The following ANKRD26 variants were observed in gnomAD, a reference collection of about 807,000 sequenced individuals.
ANKRD26 encodes the protein ankyrin repeat domain-containing protein 26.
In ANKRD26, 141 loss-of-function variants were observed where a neutral mutation model predicts 208.7. That is an observed-to-expected ratio of 0.68 (90% CI 0.59 to 0.78). The LOEUF is 0.78. Among genes scored for constraint, ANKRD26 ranks in the 30% least tolerant of loss-of-function variants. The probability of loss-of-function intolerance (pLI) is 0.00; values close to 1 mark genes in which losing one functional copy is unlikely to be tolerated. For missense variants in ANKRD26, 1,889 were observed against 1,938.7 expected (o/e 0.97, Z 0.48); for synonymous variants, 636 against 660.4 (o/e 0.96, Z 0.57).
chr10:27,049,544 A>G (rs1415113471), intron 16 of ANKRD26, among the ~76,000 whole-genome samples: 1 of 152,224 alleles, frequency 6.6e-6, no homozygotes, highest in African/African-American at 2.4e-5. Flanking sequence ...TTGCCACAAC[A>G]TAAGGAACAG....
intron 9 of ANKRD26, among the ~76,000 whole-genome samples, chr10:27,069,481 GT>G (rs931772323): frequency 4.0e-5 from 6 of 150,682 alleles, no homozygotes; most frequent in Non-Finnish European, 8.9e-5. Flanking sequence ...GTTTTTGGTG[GT>G]TTTTTTTTCA....
intron 25 of ANKRD26, 66 bp downstream of exon 25, chr10:27,033,159 T>A: frequency 7.8e-7 from 1 of 1,274,374 alleles, no homozygotes; most frequent in Non-Finnish European, 1.1e-6. Flanking sequence ...TAAATTAGTA[T>A]GATAAAACAC....
At chr10:27,066,450 T>C (rs2055249479) in intron 11 of ANKRD26, 37 bp downstream of exon 11, 9 of 1,489,484 alleles carry the variant, frequency 6.0e-6, no homozygotes, top group Non-Finnish European at 8.3e-6. Context: ...ACTCAATGCT[T>C]ATATTTTAAA....
chr10:27,034,023 T>C (rs192011297), intron 24 of ANKRD26, among the ~76,000 whole-genome samples: 2 of 152,346 alleles, frequency 1.3e-5, no homozygotes, highest in African/African-American at 4.8e-5. Flanking sequence ...ATCTTTATAC[T>C]GAACAAAGTT....
chr10:27,076,983 C>G, intron 9 of ANKRD26: 1 of 214,292 alleles, frequency 4.7e-6, no homozygotes, highest in South Asian at 8.7e-5. Context: ...GGGAAATCCT[C>G]CCTAACTCAT....
chr10:26,982,917 T>C (rs890766761), intron 3 of ANKRD26, among the ~76,000 whole-genome samples: 49 of 152,320 alleles, frequency 3.2e-4, no homozygotes, highest in African/African-American at 1.1e-3. Context: ...ACCACTCAAC[T>C]AGTCGATTCG....
In ANKRD26 at chr10:27,093,439, G is replaced by A; in HGVS notation, c.441C>T (p.Asn147=). 1 of 1,614,120 alleles carries A rather than the reference G, an allele frequency of 6.2e-7. No homozygotes were observed. ...ADPNLADVHG[N]TALHYAVYNE... Reference sequence around the variant, plus strand: ...TATAGACAGCATAGTGAAGAGCAGTGTTGCCATGGACATCCGCAAGATTTG... The same window carrying A: ...TATAGACAGCATAGTGAAGAGCAGTATTGCCATGGACATCCGCAAGATTTG... Residue 147 remains asparagine, a synonymous_variant, in exon 3 of 34, where the codon AAC becomes AAT. Transcript: ENST00000376087.
intron 20 of ANKRD26, among the ~76,000 whole-genome samples, chr10:27,042,799 A>C (rs1205155266): frequency 3.2e-4 from 25 of 77,646 alleles, no homozygotes; most frequent in African/African-American, 1.6e-3. Flanking sequence ...AAAAAAATAC[A>C]AAAAAAAAAA....
In ANKRD26 at chr10:27,062,040, C is replaced by T. The variant is rs111759190; in HGVS notation, c.1364-798G>A. On this transcript the variant is annotated intron_variant, in intron 12 of 33. Transcript: ENST00000376087. ...TCTGAAATGAGTTCTCTCAAGTTTC[C>T]TCATCGTTAACTCCAAGATGACTTA... The T allele has an allele frequency of 2.6e-3, 2,590 of 985,114 alleles. 54 individuals are homozygous for T. The African/African-American group carries it at 0.041, about 16-fold the overall frequency. The allele number at this position is 985,114 out of a possible 1,614,324, so 61.0% of individuals were successfully genotyped here.
In ANKRD26 at chr10:27,079,113, G is replaced by A. The variant is rs777702991; in HGVS notation, c.789C>T (p.Asp263=). ...CCTTAGTATCAAAATTGAGGTCTTC[G>A]TCATCTGAGGTAGGCCATGAATCAT... ...GVDDSWPTSD[D]EDLNFDTKNV... Residue 263 remains aspartate (D), a synonymous_variant, in exon 7 of 34, where the codon GAC becomes GAT. Coordinates refer to ENST00000376087, the MANE Select transcript of ANKRD26 (RefSeq NM_014915.3). 1.2e-5 allele frequency: 20 copies of A among 1,613,512 alleles called. No homozygotes were observed. Among genetic ancestry groups the A allele is most frequent in the African/African-American group, 1.2e-4 (9 of 74,878 alleles).
chr10:26,990,140 G>A (rs1337382571), downstream of ANKRD26, among the ~76,000 whole-genome samples: 1 of 152,122 alleles, frequency 6.6e-6, no homozygotes, highest in African/African-American at 2.4e-5. Context: ...GCACTAATAT[G>A]GGCATCTCAG....
intron 9 of ANKRD26, among the ~76,000 whole-genome samples, chr10:27,068,030 G>GT (rs2055329872): frequency 6.6e-6 from 1 of 152,186 alleles, no homozygotes; most frequent in Non-Finnish European, 1.5e-5. Flanking sequence ...AAAGAGAACA[G>GT]TAAGTTCCAC....
chr10:27,067,463 A>C (rs566876753), intron 9 of ANKRD26, among the ~76,000 whole-genome samples, 177 bp from the exon 10 acceptor site: 1 of 152,216 alleles, frequency 6.6e-6, no homozygotes, highest in South Asian at 2.1e-4. Context: ...TAATTTATGA[A>C]GAAAAGAGGT....
chr10:27,082,067 AAAAAAAAGG>A (rs769847507), intron 6 of ANKRD26, among the ~76,000 whole-genome samples: 907 of 86,134 alleles, frequency 0.011, 20 homozygotes, highest in Non-Finnish European at 0.018. Context: ...AAAAAAAAAA[AAAAAAAAGG>A]GAGAGAGAGA....
rs1183431335 is a variant in ANKRD26 at position 27,093,715 on chromosome 10, A to G, written c.327T>C (p.Cys109=). 1 of 1,614,204 alleles carries G rather than the reference A, an allele frequency of 6.2e-7. No individual in the cohort carries two copies. The highest frequency in any genetic ancestry group is 1.1e-5 in the South Asian group (1 of 91,084). Residue 109 remains cysteine, a synonymous_variant, in exon 2 of 34, where the codon TGT becomes TGC. Transcript: ENST00000376087. ...LVDRKCQLNV[C]DNENRTALMK... ...TCAGAGCTGTCCTGTTTTCGTTGTC[A>G]CAGACATTGAGCTGGCATTTTCTGT...
chr10:27,096,630 G>C (rs899959224), intron 1 of ANKRD26, among the ~76,000 whole-genome samples: 1 of 151,868 alleles, frequency 6.6e-6, no homozygotes, highest in Non-Finnish European at 1.5e-5. Flanking sequence ...GCCAGGCATG[G>C]TGGTGGGTGC....
intron 12 of ANKRD26, 27 bp from the exon 13 acceptor site, chr10:27,061,269 C>T (rs2055045121): frequency 6.9e-7 from 1 of 1,440,640 alleles, no homozygotes; most frequent in Non-Finnish European, 9.7e-7. Flanking sequence ...AATAAGCTTT[C>T]AATATTGTAA....
At chr10:26,947,944 T>C in the ANKRD26 span, among the ~76,000 whole-genome samples, 740 of 152,348 alleles carry the variant, frequency 4.9e-3, 6 homozygotes, top group African/African-American at 0.017. Flanking sequence ...TGAACTTTTA[T>C]TGCTGTTTGT....
downstream of ANKRD26, among the ~76,000 whole-genome samples, chr10:27,003,811 A>G (rs75801181): frequency 0.024 from 3,617 of 152,266 alleles, 122 homozygotes; most frequent in African/African-American, 0.082. Flanking sequence ...AAAAACATAA[A>G]TGTCATTACA....
Sources: gnomAD v4.1 joint callset for allele counts (sites outside exome capture counted in the v4.1 genomes callset) on GRCh38, gnomAD v4.1.1 for gene constraint, MANE v1.5 for transcripts, NCBI Gene and HGNC (gene_info 2026-07-23, HGNC 2026-07-21) for gene names.